RBFOX1: variants seen among roughly 807,000 people sequenced by gnomAD.
RBFOX1 encodes the protein RNA binding fox-1 homolog 1.
In RBFOX1, 8 loss-of-function variants were observed where a neutral mutation model predicts 57.7. The ratio of observed to expected loss-of-function variants is 0.14; its 90% CI spans 0.08 to 0.25. The LOEUF (loss-of-function observed/expected upper bound fraction) is 0.25, where lower values mean the gene tolerates loss of function less well. Among genes scored for constraint, RBFOX1 ranks in the 10% least tolerant of loss-of-function variants. RBFOX1 has a pLI of 1.00. For missense variants in RBFOX1, 611 were observed against 548.5 expected, an observed-to-expected ratio of 1.11 and a Z score of -1.14; for synonymous variants, 326 against 222.4, an observed-to-expected ratio of 1.47 and a Z score of -4.15.
At chr16:7,204,366 G>C (rs919340002) in intron 4 of RBFOX1, among the ~76,000 whole-genome samples, 1 of 152,096 alleles carries the variant, frequency 6.6e-6, no homozygotes, top group Non-Finnish European at 1.5e-5. Context: ...TCCTGGTCAG[G>C]TGTAATGGCA....
Position 6,999,065 on chromosome 16 carries a change from C to G in RBFOX1, c.-15-52992C>G, listed in dbSNP as rs1444709005. Among the ~76,000 whole-genome samples the G allele has an allele frequency of 4.0e-5, 6 of 151,198 alleles. No homozygotes were observed. The South Asian group carries it at 1.2e-3, about 31-fold the overall frequency. Reference sequence around the variant, plus strand: ...TGTATTATTAGTAGAGACAGGGTTTCACCATGTTGGCCAAGTTGGTCTTGA... The same window carrying G: ...TGTATTATTAGTAGAGACAGGGTTTGACCATGTTGGCCAAGTTGGTCTTGA... On this transcript the variant is annotated intron_variant, in intron 3 of 15. Coordinates refer to ENST00000550418, the MANE Select transcript of RBFOX1 (RefSeq NM_018723.4).
At chr16:7,468,088 G>A (rs545473106) in intron 4 of RBFOX1, among the ~76,000 whole-genome samples, 1 of 152,216 alleles carries the variant, frequency 6.6e-6, no homozygotes, top group Non-Finnish European at 1.5e-5. Context: ...AAATAAGCGA[G>A]CATCACAGAA....
intron 4 of RBFOX1, among the ~76,000 whole-genome samples, chr16:7,145,174 C>A (rs1600888116): frequency 6.6e-6 from 1 of 152,200 alleles, no homozygotes; most frequent in East Asian, 1.9e-4. Flanking sequence ...CATTTCTTTA[C>A]CCCCTACCCT....
chr16:5,691,951 T>C (rs2009714), intron 3 of RBFOX1, among the ~76,000 whole-genome samples: 34,940 of 152,058 alleles, frequency 0.23, 5,514 homozygotes, highest in East Asian at 0.82. Flanking sequence ...CTGTGAGACA[T>C]GTAACACGAA....
chr16:7,189,686 G>T (rs573318847), intron 4 of RBFOX1, among the ~76,000 whole-genome samples: 24 of 152,210 alleles, frequency 1.6e-4, no homozygotes, highest in African/African-American at 5.8e-4. Flanking sequence ...CTGGGAAAAA[G>T]GTACCATAGG....
intron 4 of RBFOX1, among the ~76,000 whole-genome samples, chr16:5,869,204 A>G (rs2057409874): frequency 6.6e-6 from 1 of 151,774 alleles, no homozygotes; most frequent in African/African-American, 2.4e-5. Flanking sequence ...GTCATGAAGG[A>G]CTGATTGCGC....
At chr16:6,860,075 C>T (rs557559927) in intron 3 of RBFOX1, among the ~76,000 whole-genome samples, 1 of 152,156 alleles carries the variant, frequency 6.6e-6, no homozygotes, top group Non-Finnish European at 1.5e-5. Context: ...GAAGAGAGAG[C>T]ATTTGGAATT....
chr16:7,022,267 C>G (rs752365185), intron 3 of RBFOX1, among the ~76,000 whole-genome samples: 2 of 150,904 alleles, frequency 1.3e-5, no homozygotes, highest in South Asian at 2.1e-4. Flanking sequence ...TGGCCAGGTT[C>G]GTCTTGAACT....
intron 1 of RBFOX1, among the ~76,000 whole-genome samples, chr16:6,217,469 C>T (rs2097343328): frequency 6.6e-6 from 1 of 152,084 alleles, no homozygotes; most frequent in Admixed American, 6.5e-5. Flanking sequence ...GGACTGAGCA[C>T]ACGTGTTGAG....
At chr16:5,620,376 G>A (rs1053717171) in intron 3 of RBFOX1, among the ~76,000 whole-genome samples, 4 of 152,184 alleles carry the variant, frequency 2.6e-5, no homozygotes, top group African/African-American at 9.7e-5. Context: ...AGCAAGATCT[G>A]AGGTTGGCTG....
chr16:5,903,595 G>C (rs1272692956), intron 4 of RBFOX1, among the ~76,000 whole-genome samples: 1 of 152,122 alleles, frequency 6.6e-6, no homozygotes, highest in Non-Finnish European at 1.5e-5. Context: ...TTGCAGCCGT[G>C]GGAGTGGTTT....
At chr16:6,199,795 T>C (rs2097203609) in intron 1 of RBFOX1, among the ~76,000 whole-genome samples, 1 of 152,140 alleles carries the variant, frequency 6.6e-6, no homozygotes, top group South Asian at 2.1e-4. Flanking sequence ...AAAATCTGTA[T>C]GGGATGCTTG....
chr16:5,995,424 G>A (rs2060473817), intron 4 of RBFOX1, among the ~76,000 whole-genome samples: 1 of 152,092 alleles, frequency 6.6e-6, no homozygotes. Flanking sequence ...AGAGCATGAT[G>A]GTAAGTGCTT....
chr16:6,126,031 T>G (rs915665206), intron 1 of RBFOX1, among the ~76,000 whole-genome samples: 1 of 152,244 alleles, frequency 6.6e-6, no homozygotes, highest in Non-Finnish European at 1.5e-5. Context: ...AACTTTAACT[T>G]CATCCTTTTC....
intron 3 of RBFOX1, among the ~76,000 whole-genome samples, chr16:6,713,984 G>T (rs2064249514): frequency 6.6e-6 from 1 of 152,236 alleles, no homozygotes; most frequent in African/African-American, 2.4e-5. Flanking sequence ...GTTAGGCTTT[G>T]TGTACCCACG....
At chr16:6,137,512 G>A (rs1340527013) in intron 1 of RBFOX1, among the ~76,000 whole-genome samples, 2 of 151,786 alleles carry the variant, frequency 1.3e-5, no homozygotes, top group Non-Finnish European at 2.9e-5. Context: ...CACCATGTTG[G>A]TCAGGCTGGT....
At chr16:5,606,043 A>G (rs1197209736) in intron 3 of RBFOX1, among the ~76,000 whole-genome samples, 1 of 152,120 alleles carries the variant, frequency 6.6e-6, no homozygotes. Flanking sequence ...CTCAATCTGA[A>G]GTTAGCAGAG....
At chr16:6,930,299 C>T (rs1016590363) in intron 3 of RBFOX1, among the ~76,000 whole-genome samples, 16 of 152,276 alleles carry the variant, frequency 1.1e-4, no homozygotes, top group Admixed American at 5.9e-4. Context: ...AAGATATATA[C>T]AAATGGCCAA....
chr16:6,777,881 G>T (rs112345403), intron 3 of RBFOX1, among the ~76,000 whole-genome samples: 1 of 152,100 alleles, frequency 6.6e-6, no homozygotes, highest in Non-Finnish European at 1.5e-5. Context: ...GCTGCCCAAA[G>T]CTGACTTCCA....
Sources: allele counts gnomAD v4.1 joint callset (sites outside exome capture counted in the v4.1 genomes callset), GRCh38; gene constraint gnomAD v4.1.1; transcripts MANE v1.5; gene names NCBI Gene and HGNC (gene_info 2026-07-23, HGNC 2026-07-21).